Variants in UBR1 observed in about 807,000 individuals in gnomAD.
The protein encoded by UBR1 is ubiquitin protein ligase E3 component n-recognin 1, also known as E3 ubiquitin-protein ligase UBR1.
UBR1 carries 102 observed loss-of-function variants against 242.1 expected under a neutral mutation model. The ratio of observed to expected loss-of-function variants is 0.42; its 90% CI spans 0.36 to 0.50. The LOEUF (loss-of-function observed/expected upper bound fraction) is 0.50, where lower values mean the gene tolerates loss of function less well. Among genes scored for constraint, UBR1 ranks in the 20% least tolerant of loss-of-function variants. The probability of loss-of-function intolerance (pLI) is 0.01; values close to 1 mark genes in which losing one functional copy is unlikely to be tolerated. For synonymous variants in UBR1, 675 were observed against 684.8 expected, an observed-to-expected ratio of 0.99 and a Z score of 0.22; for missense variants, 1,772 against 2,101.8, an observed-to-expected ratio of 0.84 and a Z score of 3.07.
intron 17 of UBR1, among the ~76,000 whole-genome samples, chr15:43,037,352 AAAAAAAAAAAGAAAAAGG>A (rs1388909907): frequency 2.0e-5 from 3 of 151,434 alleles, no homozygotes; most frequent in African/African-American, 2.4e-5. Flanking sequence ...TCTGTCTCAA[AAAAAAAAAAAGAAAAAGG>A]AAAAAAAAAA....
At chr15:43,058,474 A>C (rs1393673596) in intron 9 of UBR1, 45 bp from the exon 10 acceptor site, 1 of 1,469,386 alleles carries the variant, frequency 6.8e-7, no homozygotes, top group Non-Finnish European at 9.5e-7. Flanking sequence ...GAGAATCACC[A>C]AGGCAAAAAC....
intron 32 of UBR1, among the ~76,000 whole-genome samples, chr15:43,001,573 C>T (rs1281822183): frequency 6.6e-6 from 1 of 152,146 alleles, no homozygotes; most frequent in African/African-American, 2.4e-5. Context: ...ATTACAAATC[C>T]ATTGCATTTT....
At position 43,003,935 on chromosome 15, in the gene UBR1, T is replaced by C. The variant is rs201656485; in HGVS notation, c.3416-5A>G. On this transcript the variant is annotated splice_polypyrimidine_tract_variant and splice_region_variant and intron_variant, in intron 30 of 46. Transcript: ENST00000290650. ...TGAAAAGTGGGTCTAGGGCTTCTGG[T>C]ACAAGGTATAAAAAGGAGGGAAAAA... 55 of 1,613,430 alleles carry C rather than the reference T, an allele frequency of 3.4e-5. No individual in the cohort carries two copies. The African/African-American group carries it at 5.9e-4, about 17-fold the overall frequency.
chr15:43,082,575 G>T, intron 3 of UBR1, 63 bp downstream of exon 3: 1 of 1,317,320 alleles, frequency 7.6e-7, no homozygotes, highest in Admixed American at 1.7e-5. Context: ...TACTACTCAA[G>T]AATTTGGACT....
chr15:43,082,820 A>C, intron 2 of UBR1, 104 bp from the exon 3 acceptor site: 1 of 818,348 alleles, frequency 1.2e-6, no homozygotes. Context: ...TGGTACACAA[A>C]CTGAATATGA....
intron 30 of UBR1, among the ~76,000 whole-genome samples, chr15:43,004,639 C>G (rs1198167649): frequency 1.3e-5 from 2 of 152,228 alleles, no homozygotes; most frequent in South Asian, 2.1e-4. Flanking sequence ...CCTCAGCCTC[C>G]CGAGGTGCCG....
At chr15:43,076,736 G>C (rs1424471249) in intron 3 of UBR1, among the ~76,000 whole-genome samples, 1 of 144,228 alleles carries the variant, frequency 6.9e-6, no homozygotes, top group African/African-American at 2.6e-5. Flanking sequence ...AGTGAGGAGC[G>C]TCTCCGCCTG....
intron 39 of UBR1, 40 bp from the exon 40 acceptor site, chr15:42,970,647 A>T: frequency 6.4e-7 from 1 of 1,553,858 alleles, no homozygotes; most frequent in Non-Finnish European, 8.9e-7. Context: ...TGTATTTGCT[A>T]TTCAGTTTAC....
chr15:43,084,806 C>T (rs77623410), intron 2 of UBR1, among the ~76,000 whole-genome samples: 2 of 152,128 alleles, frequency 1.3e-5, no homozygotes, highest in Non-Finnish European at 2.9e-5. Context: ...ATAGTATGTT[C>T]TAAACAACTG....
Position 43,033,217 on chromosome 15 carries a change from G to C in UBR1, c.2191-586C>G, listed in dbSNP as rs540955499. On this transcript the variant is annotated intron_variant, in intron 19 of 46. Transcript: ENST00000290650. ...TTCTTTAATTCTTAAATTTGATTTA[G>C]AAATTTTATATGAGGCCAGGTATGG... Among the ~76,000 whole-genome samples the C allele has an allele frequency of 3.3e-5, 5 of 152,070 alleles. 1 individual carries two copies. Among genetic ancestry groups the C allele is most frequent in the African/African-American group, 1.2e-4 (5 of 41,514 alleles).
rs531670508 is a variant in UBR1 at position 43,099,154 on chromosome 15, C to T, written c.81+6788G>A. Among the ~76,000 whole-genome samples the T allele has an allele frequency of 6.1e-4, 92 of 151,898 alleles. 2 individuals carry two copies. Among genetic ancestry groups the T allele is most frequent in the South Asian group, 1.9e-3 (9 of 4,806 alleles). On this transcript the variant is annotated intron_variant, in intron 1 of 46. Transcript: ENST00000290650. ...GAGTTTGAGACCAGCCCGGCCAACACGGCAAAATCCCGTCTCTACTAAAAA... is the reference window on the plus strand; with the variant it reads ...GAGTTTGAGACCAGCCCGGCCAACATGGCAAAATCCCGTCTCTACTAAAAA...
intron 29 of UBR1, among the ~76,000 whole-genome samples, chr15:43,008,253 C>A (rs925519630): frequency 2.0e-5 from 3 of 152,264 alleles, no homozygotes; most frequent in Non-Finnish European, 4.4e-5. Context: ...AGGGCAGAAG[C>A]CCCGTGCTCC....
chr15:43,005,314 C>T (rs1405025749), intron 30 of UBR1, among the ~76,000 whole-genome samples: 7 of 149,948 alleles, frequency 4.7e-5, no homozygotes, highest in African/African-American at 9.8e-5. Context: ...GCCCGGCAGC[C>T]GCCCCATCCG....
Position 43,024,898 on chromosome 15 carries a change from A to T in UBR1, c.2670T>A (p.Ile890=). Residue 890 remains isoleucine (I), a synonymous_variant, in exon 25 of 47, where the codon ATT becomes ATA. Transcript: ENST00000290650. The stretch of plus-strand genomic sequence containing the variant: ...TTGCCCGCTCAAATACGGTCCTGAG[A>T]ATGTACATCATGATATCACAGTTGA... ...NLLNCDIMMY[I]LRTVFERAID... 3 of 1,614,198 alleles carry T rather than the reference A, an allele frequency of 1.9e-6. No individual in the cohort carries two copies. Among genetic ancestry groups the T allele is most frequent in the Non-Finnish European group, 2.5e-6 (3 of 1,180,032 alleles).
At chr15:43,025,106 T>C in intron 24 of UBR1, 123 bp from the exon 25 acceptor site, 3 of 1,249,944 alleles carry the variant, frequency 2.4e-6, no homozygotes, top group Non-Finnish European at 3.4e-6. Flanking sequence ...ACACATGCTT[T>C]TTTGCTACCT....
intron 43 of UBR1, 27 bp from the exon 44 acceptor site, chr15:42,958,117 T>A (rs2031953360): frequency 6.4e-7 from 1 of 1,552,926 alleles, no homozygotes; most frequent in African/African-American, 1.4e-5. Context: ...AAGGCAATTT[T>A]ATTTTAGAGT....
intron 44 of UBR1, among the ~76,000 whole-genome samples, chr15:42,957,750 CCTGTAGTT>C (rs1482937559): frequency 1.2e-4 from 18 of 151,996 alleles, no homozygotes; most frequent in African/African-American, 4.4e-4. Flanking sequence ...GTGGCGCCTG[CCTGTAGTT>C]TCACTACTTG....
Position 43,070,790 on chromosome 15 carries a change from C to T in UBR1, c.659+5G>A. The stretch of plus-strand genomic sequence containing the variant: ...AAACTTGTTCCGTTTGACAGTTTTC[C>T]CCACCTTATCTGGAGTTCAGGAGGC... On this transcript the variant is annotated splice_donor_5th_base_variant and intron_variant, in intron 5 of 46. Coordinates refer to ENST00000290650, the MANE Select transcript of UBR1 (RefSeq NM_174916.3). 1 of 1,612,860 alleles carries T rather than the reference C, an allele frequency of 6.2e-7. No individual in the cohort carries two copies. The highest frequency in any genetic ancestry group is 8.5e-7 in the Non-Finnish European group (1 of 1,179,916).
At chr15:43,061,592 T>C (rs2033687909) in intron 6 of UBR1, among the ~76,000 whole-genome samples, 1 of 151,978 alleles carries the variant, frequency 6.6e-6, no homozygotes, top group Non-Finnish European at 1.5e-5. Context: ...CATATATGTA[T>C]ATATACACAT....
Sources: gnomAD v4.1 joint callset for allele counts (sites outside exome capture counted in the v4.1 genomes callset) on GRCh38, gnomAD v4.1.1 for gene constraint, MANE v1.5 for transcripts, NCBI Gene and HGNC (gene_info 2026-07-23, HGNC 2026-07-21) for gene names.